MALRD1: variants seen among roughly 807,000 people sequenced by gnomAD.
MALRD1 encodes MAM and LDL receptor class A domain containing 1, also known as MAM and LDL-receptor class A domain-containing protein 1.
A neutral mutation model predicts 242.1 loss-of-function variants in MALRD1; 247 were observed. The ratio of observed to expected loss-of-function variants is 1.02; its 90% CI spans 0.92 to 1.13. MALRD1 has a LOEUF of 1.13. Ranked by LOEUF, MALRD1 falls within the 50% of genes most tolerant of loss-of-function variation. The pLI is 0.00. For missense variants in MALRD1, 2,989 were observed against 2,533.1 expected (o/e 1.18, Z -3.86); for synonymous variants, 995 against 866.6 (o/e 1.15, Z -2.60).
intron 21 of MALRD1, among the ~76,000 whole-genome samples, chr10:19,293,348 T>C (rs1361498275): frequency 6.6e-6 from 1 of 152,224 alleles, no homozygotes; most frequent in Non-Finnish European, 1.5e-5. Flanking sequence ...TTGATACTTG[T>C]TGTCAAGCAG....
At chr10:19,671,440 A>G (rs1841915204) in intron 36 of MALRD1, among the ~76,000 whole-genome samples, 1 of 152,088 alleles carries the variant, frequency 6.6e-6, no homozygotes, top group Non-Finnish European at 1.5e-5. Context: ...CAACATGGCA[A>G]AACCTCATCT....
chr10:19,692,798 T>C (rs1408331503), intron 38 of MALRD1, among the ~76,000 whole-genome samples: 1 of 818 alleles, frequency 1.2e-3, no homozygotes, highest in Non-Finnish European at 5.0e-3. Flanking sequence ...TTTGAGGGCG[T>C]ATATATATAT....
chr10:19,587,884 C>G (rs1425554517), intron 33 of MALRD1, among the ~76,000 whole-genome samples: 1 of 147,906 alleles, frequency 6.8e-6, no homozygotes, highest in Non-Finnish European at 1.5e-5. Context: ...TTCCGAAATG[C>G]CAGTTCCTAA....
At chr10:19,096,807 A>C (rs188823052) in intron 4 of MALRD1, among the ~76,000 whole-genome samples, 1 of 152,288 alleles carries the variant, frequency 6.6e-6, no homozygotes, top group Admixed American at 6.5e-5. Context: ...CTTCCTTTAA[A>C]AATGTCCAAA....
chr10:19,232,571 G>C (rs892103935), intron 18 of MALRD1, among the ~76,000 whole-genome samples: 5 of 152,130 alleles, frequency 3.3e-5, no homozygotes, highest in Admixed American at 2.6e-4. Flanking sequence ...TCATGTGCCT[G>C]TTTTGTGCAG....
chr10:19,324,293 TTATTC>T (rs1464778051), intron 22 of MALRD1, among the ~76,000 whole-genome samples, 188 bp downstream of exon 22: 18 of 152,220 alleles, frequency 1.2e-4, no homozygotes, highest in African/African-American at 4.3e-4. Flanking sequence ...TAAGTAATTT[TTATTC>T]TATTTAATTA....
At chr10:19,415,003 G>A (rs1833456070) in intron 28 of MALRD1, among the ~76,000 whole-genome samples, 1 of 151,972 alleles carries the variant, frequency 6.6e-6, no homozygotes, top group African/African-American at 2.4e-5. Context: ...TTTTTCTGTA[G>A]AAATAATATT....
chr10:19,052,107 C>A, intron 1 of MALRD1: 1 of 454,278 alleles, frequency 2.2e-6, no homozygotes, highest in Admixed American at 2.6e-5. Flanking sequence ...AGCAAAATGG[C>A]AGAATTCATA....
At chr10:19,284,249 CTT>C (rs35891152) in intron 21 of MALRD1, among the ~76,000 whole-genome samples, 20,512 of 147,850 alleles carry the variant, frequency 0.14, 1,427 homozygotes, top group Non-Finnish European at 0.16. Flanking sequence ...TACATACCAA[CTT>C]TTTTTTTTTT....
At chr10:19,158,267 T>A (rs1425696932) in intron 12 of MALRD1, among the ~76,000 whole-genome samples, 1 of 152,262 alleles carries the variant, frequency 6.6e-6, no homozygotes, top group African/African-American at 2.4e-5. Context: ...GGAAGATGGA[T>A]AATATGAAGC....
intron 21 of MALRD1, among the ~76,000 whole-genome samples, chr10:19,293,541 A>G (rs558658315): frequency 1.3e-5 from 2 of 152,328 alleles, no homozygotes; most frequent in East Asian, 1.9e-4. Flanking sequence ...TTATTCAAAG[A>G]TATTTTATCT....
At chr10:19,298,538 T>C (rs565443560) in intron 21 of MALRD1, among the ~76,000 whole-genome samples, 138 of 151,908 alleles carry the variant, frequency 9.1e-4, no homozygotes, top group African/African-American at 3.2e-3. Flanking sequence ...AAGGGGAACA[T>C]GAGAGAGAGA....
At chr10:19,233,528 A>G (rs559722833) in intron 18 of MALRD1, among the ~76,000 whole-genome samples, 18 of 152,142 alleles carry the variant, frequency 1.2e-4, no homozygotes, top group African/African-American at 4.3e-4. Context: ...AAAATCAATT[A>G]CATTCTTTAA....
chr10:19,615,599 A>G (rs1313268544), intron 35 of MALRD1, among the ~76,000 whole-genome samples: 2 of 151,540 alleles, frequency 1.3e-5, no homozygotes, highest in African/African-American at 4.8e-5. Context: ...ACAAGTAAAT[A>G]ATTTTTTAAA....
At chr10:19,451,284 G>A (rs1262055242) in intron 29 of MALRD1, among the ~76,000 whole-genome samples, 1 of 151,982 alleles carries the variant, frequency 6.6e-6, no homozygotes, top group East Asian at 1.9e-4. Context: ...CAAAATTGAA[G>A]CAGAAATTGA....
chr10:19,236,828 A>G (rs942501036), intron 18 of MALRD1, among the ~76,000 whole-genome samples: 1 of 152,084 alleles, frequency 6.6e-6, no homozygotes, highest in Non-Finnish European at 1.5e-5. Flanking sequence ...CATAAAATAT[A>G]TTTTATATTT....
chr10:19,486,066 C>T (rs966703410), intron 29 of MALRD1, among the ~76,000 whole-genome samples: 22 of 150,228 alleles, frequency 1.5e-4, no homozygotes, highest in African/African-American at 4.9e-4. Flanking sequence ...AAGAAAAATG[C>T]GACAAAATGT....
At chr10:19,610,839 A>G (rs11812221) in intron 35 of MALRD1, among the ~76,000 whole-genome samples, 4,375 of 152,080 alleles carry the variant, frequency 0.029, 213 homozygotes, top group African/African-American at 0.1. Flanking sequence ...GAGGATAATT[A>G]TGGTATATAA....
chr10:19,084,429 A>C (rs1483201140), intron 2 of MALRD1, among the ~76,000 whole-genome samples: 1 of 151,712 alleles, frequency 6.6e-6, no homozygotes, highest in African/African-American at 2.4e-5. Flanking sequence ...TTTTTTTTTA[A>C]TGTTCTTGAG....
Sources: allele counts gnomAD v4.1 joint callset (sites outside exome capture counted in the v4.1 genomes callset), GRCh38; gene constraint gnomAD v4.1.1; transcripts MANE v1.5; gene names NCBI Gene and HGNC (gene_info 2026-07-23, HGNC 2026-07-21).